PDS5A: variants seen among roughly 807,000 people sequenced by gnomAD.
PDS5A encodes the protein sister chromatid cohesion protein PDS5 homolog A.
In PDS5A, 42 loss-of-function variants were observed where a neutral mutation model predicts 167.1. The observed-to-expected ratio is 0.25, with a 90% CI of 0.20 to 0.33. PDS5A has a LOEUF of 0.33. PDS5A is among the 10% of genes least tolerant of loss of function. The pLI is 1.00. For missense variants in PDS5A, 1,033 were observed against 1,605.9 expected, an observed-to-expected ratio of 0.64 and a Z score of 6.10; for synonymous variants, 553 against 554.6, an observed-to-expected ratio of 1.00 and a Z score of 0.04.
chr4:39,860,808 G>A lies in PDS5A; in HGVS notation c.3086+1411C>T, dbSNP rs146572178. On this transcript the variant is annotated intron_variant, in intron 26 of 32. Coordinates refer to ENST00000303538, the MANE Select transcript of PDS5A (RefSeq NM_001100399.2). ...GTGAAGGCCAGGCACAGTGGCTCAC[G>A]CCTGTAATCCTAGCACTTCAGGAAG... 2.6e-4 allele frequency among the ~76,000 whole-genome samples: 39 copies of A among 152,244 alleles called. No individual in the cohort carries two copies. In the East Asian group the frequency reaches 6.6e-3, roughly 26 times the overall value.
intron 9 of PDS5A, among the ~76,000 whole-genome samples, chr4:39,911,704 C>T (rs1403048769): frequency 2.6e-5 from 4 of 151,416 alleles, no homozygotes; most frequent in Non-Finnish European, 4.4e-5. Flanking sequence ...CACTGGCGGG[C>T]GCCTGTAGTC....
intron 2 of PDS5A, among the ~76,000 whole-genome samples, chr4:39,941,632 A>G (rs6815880): frequency 0.044 from 6,633 of 152,284 alleles, 461 homozygotes; most frequent in African/African-American, 0.15. Context: ...TAATACACAC[A>G]AACTAACTTT....
intron 26 of PDS5A, among the ~76,000 whole-genome samples, chr4:39,853,959 C>A (rs530651137): frequency 6.6e-6 from 1 of 152,292 alleles, no homozygotes; most frequent in South Asian, 2.1e-4. Flanking sequence ...ATTCAAAGGA[C>A]ACGTATTAGC....
In PDS5A at chr4:39,838,139, C is replaced by T. The variant is rs778629294; in HGVS notation, c.3727G>A (p.Ala1243Thr). 7 of 1,613,772 alleles carry T rather than the reference C, an allele frequency of 4.3e-6. 1 individual carries two copies. Among genetic ancestry groups the T allele is most frequent in the African/African-American group, 1.3e-5 (1 of 75,048 alleles). ...SDRGKKRTVT[A>T]AGAENIQQKT... ...TGTTGGATATTCTCTGCACCAGCTG[C>T]TGTTACTGTTCTTTTCTTTCCTCGG... Residue 1243 changes from alanine to threonine, a missense_variant, in exon 32 of 33, where the codon GCA becomes ACA. This residue lies in a region of PDS5A where 233 missense variants were observed against 264.0 expected (regional missense o/e 0.88). Transcript: ENST00000303538.
intron 2 of PDS5A, among the ~76,000 whole-genome samples, chr4:39,937,564 C>A (rs1223917737): frequency 6.6e-6 from 1 of 152,074 alleles, no homozygotes; most frequent in Admixed American, 6.6e-5. Flanking sequence ...CAGACGAATG[C>A]CACCATGTGC....
At chr4:39,835,856 T>C (rs1042998944) in intron 32 of PDS5A, among the ~76,000 whole-genome samples, 9 of 152,218 alleles carry the variant, frequency 5.9e-5, no homozygotes, top group Non-Finnish European at 1.2e-4. Context: ...AGTTAGATGG[T>C]ACAGGGACAG....
chr4:39,897,657 C>A (rs899117361), intron 16 of PDS5A, among the ~76,000 whole-genome samples: 1 of 152,014 alleles, frequency 6.6e-6, no homozygotes, highest in Non-Finnish European at 1.5e-5. Flanking sequence ...CCTTGGACTC[C>A]CAAGGTGCTG....
At chr4:39,965,828 G>A (rs1173204214) in intron 2 of PDS5A, among the ~76,000 whole-genome samples, 2 of 152,120 alleles carry the variant, frequency 1.3e-5, no homozygotes, top group Non-Finnish European at 2.9e-5. Context: ...AGTTCCAGTT[G>A]GGGAAGATGA....
At chr4:39,949,485 G>A (rs909852502) in intron 2 of PDS5A, among the ~76,000 whole-genome samples, 1 of 151,822 alleles carries the variant, frequency 6.6e-6, no homozygotes. Flanking sequence ...AGGAATATGA[G>A]GGTAATAGCT....
chr4:39,867,480 G>A (rs1365175064), intron 22 of PDS5A, among the ~76,000 whole-genome samples: 2 of 151,208 alleles, frequency 1.3e-5, no homozygotes, highest in African/African-American at 2.4e-5. Flanking sequence ...ATCACTTGAG[G>A]TCAGGCGTTT....
intron 2 of PDS5A, among the ~76,000 whole-genome samples, chr4:39,962,640 C>A (rs2109809957): frequency 6.6e-6 from 1 of 151,432 alleles, no homozygotes; most frequent in Middle Eastern, 3.4e-3. Context: ...CCCGTCTCTA[C>A]TAAAAATACA....
intron 17 of PDS5A, among the ~76,000 whole-genome samples, chr4:39,880,620 T>A (rs1306356600): frequency 1.3e-5 from 2 of 152,118 alleles, no homozygotes; most frequent in Admixed American, 1.3e-4. Context: ...TTAAAAAAAA[T>A]TTAAGTACCA....
chr4:39,888,203 G>A lies in PDS5A; in HGVS notation c.1886+2046C>T, dbSNP rs770536381. On this transcript the variant is annotated intron_variant, in intron 17 of 32. Transcript: ENST00000303538. ...GAAGATTGCAGTGAGCCAAGATGGC[G>A]CCACTGCACTCCAGCTGGTGACAGA... Among the ~76,000 whole-genome samples, 21 of 135,246 alleles carry A rather than the reference G, an allele frequency of 1.6e-4. 1 individual carries two copies. Among genetic ancestry groups the A allele is most frequent in the Admixed American group, 1.4e-3 (17 of 11,870 alleles). 88.7% of individuals were successfully genotyped at this position (135,246 alleles called of 152,430 possible).
chr4:39,897,926 G>T, intron 16 of PDS5A: 3 of 479,656 alleles, frequency 6.3e-6, no homozygotes, highest in Non-Finnish European at 8.1e-6. Flanking sequence ...ATAGCTTTAA[G>T]AATATTGGTT....
intron 22 of PDS5A, among the ~76,000 whole-genome samples, chr4:39,868,063 AAAGC>A: frequency 6.6e-6 from 1 of 152,336 alleles, no homozygotes; most frequent in South Asian, 2.1e-4. Flanking sequence ...TGATGACTAC[AAAGC>A]AACACAAAGT....
At position 39,905,718 on chromosome 4, in the gene PDS5A, C is replaced by A. The variant is rs188922529; in HGVS notation, c.1234-1527G>T. Among the ~76,000 whole-genome samples the A allele has an allele frequency of 3.9e-5, 6 of 152,046 alleles. No homozygotes were observed. The East Asian group carries it at 1.2e-3, about 29-fold the overall frequency. On this transcript the variant is annotated intron_variant, in intron 11 of 32. Transcript: ENST00000303538. Reference sequence around the variant, plus strand: ...ATAATACAGGCAGTAAAAGACACTTCCAAACATTCTCAGGGAGATAAGATT... The same window carrying A: ...ATAATACAGGCAGTAAAAGACACTTACAAACATTCTCAGGGAGATAAGATT...
intron 2 of PDS5A, among the ~76,000 whole-genome samples, chr4:39,962,347 C>T (rs113434689): frequency 0.047 from 7,098 of 152,174 alleles, 183 homozygotes; most frequent in Non-Finnish European, 0.057. Flanking sequence ...TAAGCCACCG[C>T]GCCCGGCCTC....
At chr4:39,924,288 G>GT (rs2109725101) in intron 5 of PDS5A, among the ~76,000 whole-genome samples, 1 of 152,262 alleles carries the variant, frequency 6.6e-6, no homozygotes, top group African/African-American at 2.4e-5. Context: ...AGAATCATGA[G>GT]CTAAATAAAA....
chr4:39,941,234 A>C (rs543885727), intron 2 of PDS5A, among the ~76,000 whole-genome samples: 11 of 152,328 alleles, frequency 7.2e-5, no homozygotes, highest in African/African-American at 2.4e-4. Context: ...GTCTACAAAA[A>C]ATGTGCCTCA....
Sources: allele counts gnomAD v4.1 joint callset (sites outside exome capture counted in the v4.1 genomes callset), GRCh38; gene constraint gnomAD v4.1.1; regional missense constraint gnomAD v4.1.1; transcripts MANE v1.5; gene names NCBI Gene and HGNC (gene_info 2026-07-23, HGNC 2026-07-21).